The following GABBR2 variants were observed in gnomAD, a reference collection of about 807,000 sequenced individuals.
GABBR2 encodes gamma-aminobutyric acid type B receptor subunit 2, also known as G-protein coupled receptor 51.
GABBR2 carries 23 observed loss-of-function variants against 105.6 expected under a neutral mutation model. The ratio of observed to expected loss-of-function variants is 0.22; its 90% CI spans 0.16 to 0.31. The LOEUF (loss-of-function observed/expected upper bound fraction) is 0.31, where lower values mean the gene tolerates loss of function less well. Ranked by LOEUF, GABBR2 falls within the 10% of genes least tolerant of loss-of-function variation. The pLI is 1.00. For synonymous variants in GABBR2, 478 were observed against 499.7 expected (o/e 0.96, Z 0.58); for missense variants, 734 against 1,245.5 (o/e 0.59, Z 6.18).
At chr9:98,686,147 C>T (rs939306848) in intron 1 of GABBR2, among the ~76,000 whole-genome samples, 5 of 152,172 alleles carry the variant, frequency 3.3e-5, no homozygotes, top group Middle Eastern at 3.2e-3. Flanking sequence ...CCTCATCCCC[C>T]GCCAGCTCCA....
chr9:98,618,467 A>G (rs945702104), intron 1 of GABBR2, among the ~76,000 whole-genome samples: 4 of 150,396 alleles, frequency 2.7e-5, no homozygotes, highest in Non-Finnish European at 4.4e-5. Context: ...CATGCAAAGG[A>G]AAAAAAAAGG....
chr9:98,694,622 TG>T (rs1347238423), intron 1 of GABBR2, among the ~76,000 whole-genome samples: 1 of 152,254 alleles, frequency 6.6e-6, no homozygotes. Context: ...AAATATCCAA[TG>T]GTCCTGAGAG....
At chr9:98,637,534 G>T (rs1280382166) in intron 1 of GABBR2, among the ~76,000 whole-genome samples, 1 of 152,148 alleles carries the variant, frequency 6.6e-6, no homozygotes, top group Admixed American at 6.5e-5. Flanking sequence ...AAAGTAGGGA[G>T]CTCACAGTGG....
intron 3 of GABBR2, among the ~76,000 whole-genome samples, chr9:98,515,020 G>A (rs1326715117): frequency 1.3e-5 from 2 of 152,170 alleles, no homozygotes; most frequent in African/African-American, 4.8e-5. Context: ...CCACCAGGAA[G>A]TAGATTTCAG....
chr9:98,544,099 A>G (rs535705302), intron 2 of GABBR2, among the ~76,000 whole-genome samples: 2 of 151,990 alleles, frequency 1.3e-5, no homozygotes, highest in East Asian at 1.9e-4. Flanking sequence ...AGCAAGCTCA[A>G]TCTTTGCTGC....
intron 3 of GABBR2, among the ~76,000 whole-genome samples, chr9:98,503,419 T>A (rs911637586): frequency 6.6e-6 from 1 of 151,982 alleles, no homozygotes; most frequent in Non-Finnish European, 1.5e-5. Context: ...TTTTAAGTGA[T>A]GGAGTGACAT....
At chr9:98,578,960 G>A (rs541708442) in intron 1 of GABBR2, among the ~76,000 whole-genome samples, 1 of 152,266 alleles carries the variant, frequency 6.6e-6, no homozygotes, top group East Asian at 1.9e-4. Flanking sequence ...GCTGGGGGGA[G>A]CAGGGAAGGG....
At chr9:98,559,274 C>T (rs531740220) in intron 2 of GABBR2, among the ~76,000 whole-genome samples, 18 of 152,220 alleles carry the variant, frequency 1.2e-4, no homozygotes, top group African/African-American at 4.3e-4. Context: ...GGACTACAGG[C>T]ATGCACCACC....
chr9:98,626,987 C>T (rs2778916), intron 1 of GABBR2, among the ~76,000 whole-genome samples: 8,570 of 152,248 alleles, frequency 0.056, 870 homozygotes, highest in East Asian at 0.45. Context: ...GGTTTGAAAC[C>T]GCCTTTCTTG....
At chr9:98,605,611 GTGCCT>G (rs1195593975) in intron 1 of GABBR2, among the ~76,000 whole-genome samples, 1 of 152,148 alleles carries the variant, frequency 6.6e-6, no homozygotes, top group African/African-American at 2.4e-5. Flanking sequence ...ATGGCAAGGA[GTGCCT>G]CTAGGATACC....
chr9:98,525,256 T>C (rs1827935722), intron 3 of GABBR2, among the ~76,000 whole-genome samples: 1 of 152,228 alleles, frequency 6.6e-6, no homozygotes, highest in African/African-American at 2.4e-5. Context: ...GCAAGTCACC[T>C]ATCTGATATG....
intron 11 of GABBR2, among the ~76,000 whole-genome samples, chr9:98,382,609 C>T (rs1831998675): frequency 6.6e-6 from 1 of 152,152 alleles, no homozygotes; most frequent in Non-Finnish European, 1.5e-5. Flanking sequence ...GCCACTGCAC[C>T]CGGCCCCAGT....
At chr9:98,368,114 T>C (rs1270984834) in intron 12 of GABBR2, among the ~76,000 whole-genome samples, 1 of 152,062 alleles carries the variant, frequency 6.6e-6, no homozygotes, top group African/African-American at 2.4e-5. Context: ...CCGCTGGTCC[T>C]GAGGCCCTCC....
intron 7 of GABBR2, among the ~76,000 whole-genome samples, chr9:98,417,304 C>A (rs1297720979): frequency 1.3e-5 from 2 of 152,204 alleles, no homozygotes; most frequent in Admixed American, 1.3e-4. Flanking sequence ...GGTAAGAGGA[C>A]TGAGAGACAT....
chr9:98,347,885 A>G lies in GABBR2; in HGVS notation c.1893+14830T>C, dbSNP rs557776754. Among the ~76,000 whole-genome samples, 179 of 152,294 alleles carry G rather than the reference A, an allele frequency of 1.2e-3. 1 individual carries two copies. The highest frequency in any genetic ancestry group is 2.1e-3 in the Non-Finnish European group (146 of 68,018). On this transcript the variant is annotated intron_variant, in intron 13 of 18. Transcript: ENST00000259455. ...GAATCATGGGGGCAATTTCCCCCAT[A>G]CTATTCTTGTGATAGTAAGTAAGTC...
chr9:98,480,964 C>A lies in GABBR2; in HGVS notation c.766G>T (p.Asp256Tyr). 1.9e-6 allele frequency: 3 copies of A among 1,606,864 alleles called. No individual in the cohort carries two copies. The South Asian group carries it at 3.3e-5, about 18-fold the overall frequency. ...NDVRIILGQF[D>Y]QNMAAKVFCC... ...AACACTTTTGCTGCCATATTCTGGT[C>A]AAACTGGCCAAGGATGATCCGCACA... Residue 256 changes from aspartate (D) to tyrosine (Y), a missense_variant, in exon 5 of 19, where the codon GAC (aspartate) becomes TAC (tyrosine). Physicochemically the swap from Asp to Tyr is radical, Grantham distance 160 (BLOSUM62 -3). This residue lies in a region of GABBR2 where 370 missense variants were observed against 648.9 expected (regional missense o/e 0.57). Transcript: ENST00000259455.
chr9:98,551,849 A>G (rs1828492735), intron 2 of GABBR2, among the ~76,000 whole-genome samples: 1 of 152,138 alleles, frequency 6.6e-6, no homozygotes, highest in Non-Finnish European at 1.5e-5. Context: ...CCCCTTTTAG[A>G]TGTCTGTTTT....
At chr9:98,451,886 T>A (rs10760353) in intron 7 of GABBR2, among the ~76,000 whole-genome samples, 36,523 of 152,144 alleles carry the variant, frequency 0.24, 4,747 homozygotes, top group East Asian at 0.49. Context: ...CCTGTCTTCA[T>A]GTCTAACTCC....
chr9:98,315,003 G>A (rs976953926), intron 13 of GABBR2, among the ~76,000 whole-genome samples: 2 of 152,174 alleles, frequency 1.3e-5, no homozygotes, highest in East Asian at 1.9e-4. Flanking sequence ...GTTGGACCAA[G>A]ACCCATCAGG....
Sources: allele counts gnomAD v4.1 joint callset (sites outside exome capture counted in the v4.1 genomes callset), GRCh38; gene constraint gnomAD v4.1.1; regional missense constraint gnomAD v4.1.1; transcripts MANE v1.5; gene names NCBI Gene and HGNC (gene_info 2026-07-23, HGNC 2026-07-21).